The following GALNT13 variants were observed in gnomAD, a reference collection of about 807,000 sequenced individuals.
GALNT13 encodes UDP-GalNAc:polypeptide N-acetylgalactosaminyltransferase 13.
A neutral mutation model predicts 64.2 loss-of-function variants in GALNT13; 28 were observed. That is an observed-to-expected ratio of 0.44 (90% confidence interval 0.32 to 0.60). GALNT13 has a LOEUF of 0.60. Among genes scored for constraint, GALNT13 ranks in the 20% least tolerant of loss-of-function variants. GALNT13 has a pLI of 0.05. For synonymous variants in GALNT13, 214 were observed against 224.6 expected (o/e 0.95, Z 0.42); for missense variants, 577 against 669.8 (o/e 0.86, Z 1.53).
At chr2:154,070,103 G>A (rs1368882481) in intron 3 of GALNT13, among the ~76,000 whole-genome samples, 1 of 152,110 alleles carries the variant, frequency 6.6e-6, no homozygotes, top group African/African-American at 2.4e-5. Flanking sequence ...CCTACTGATG[G>A]TTGATATGTG....
At chr2:154,009,487 A>G (rs1408679818) in intron 3 of GALNT13, among the ~76,000 whole-genome samples, 3 of 142,182 alleles carry the variant, frequency 2.1e-5, no homozygotes. Flanking sequence ...ATAAATTGCT[A>G]TAAGGTGTTA....
At chr2:154,123,788 C>T (rs758701216) in intron 3 of GALNT13, among the ~76,000 whole-genome samples, 1 of 151,956 alleles carries the variant, frequency 6.6e-6, no homozygotes, top group Non-Finnish European at 1.5e-5. Context: ...CTGTATAATT[C>T]TATGTGTACA....
the GALNT13 span, among the ~76,000 whole-genome samples, chr2:153,359,852 G>T: frequency 9.9e-5 from 15 of 151,934 alleles, no homozygotes; most frequent in African/African-American, 3.1e-4. Flanking sequence ...TCAGCAAAAA[G>T]GTAGAAACTA....
the GALNT13 span, among the ~76,000 whole-genome samples, chr2:153,098,721 T>A: frequency 1.3e-5 from 2 of 152,232 alleles, no homozygotes; most frequent in Non-Finnish European, 2.9e-5. Context: ...TTATAAATTA[T>A]GCTATTTTAA....
chr2:153,253,427 GA>G, the GALNT13 span, among the ~76,000 whole-genome samples: 2 of 124,318 alleles, frequency 1.6e-5, no homozygotes, highest in Admixed American at 8.0e-5. Context: ...GGGACAATTT[GA>G]CTTCCTCTTT....
At chr2:153,510,658 CAG>C in the GALNT13 span, among the ~76,000 whole-genome samples, 4 of 152,034 alleles carry the variant, frequency 2.6e-5, no homozygotes, top group Admixed American at 1.3e-4. Context: ...TTTAATTAGT[CAG>C]AGATTCTGAT....
intron 3 of GALNT13, among the ~76,000 whole-genome samples, chr2:154,120,890 G>T (rs1000927297): frequency 2.6e-5 from 4 of 152,058 alleles, no homozygotes; most frequent in Non-Finnish European, 4.4e-5. Context: ...ACTATGACCT[G>T]CACTTCCTTC....
At chr2:154,353,179 C>T (rs1296562812) in intron 9 of GALNT13, among the ~76,000 whole-genome samples, 1 of 152,188 alleles carries the variant, frequency 6.6e-6, no homozygotes, top group East Asian at 1.9e-4. Context: ...AAAATATATA[C>T]ATCATTAGGC....
chr2:153,828,194 C>T, the GALNT13 span, among the ~76,000 whole-genome samples: 1 of 152,224 alleles, frequency 6.6e-6, no homozygotes. Context: ...TGGATCTACC[C>T]TTCTGGGGTC....
At chr2:153,622,746 A>G in the GALNT13 span, among the ~76,000 whole-genome samples, 2 of 152,208 alleles carry the variant, frequency 1.3e-5, no homozygotes, top group Middle Eastern at 6.3e-3. Context: ...TTTTAATAGG[A>G]AAGAAACATT....
the GALNT13 span, among the ~76,000 whole-genome samples, chr2:153,620,704 A>G: frequency 3.9e-5 from 6 of 151,904 alleles, no homozygotes; most frequent in Non-Finnish European, 4.4e-5. Flanking sequence ...CCTCAACACA[A>G]CTATTTTAAA....
chr2:153,070,105 A>T, the GALNT13 span, among the ~76,000 whole-genome samples: 1 of 152,166 alleles, frequency 6.6e-6, no homozygotes, highest in East Asian at 1.9e-4. Flanking sequence ...GAGTTTGGGG[A>T]GTTTTTCTGC....
intron 4 of GALNT13, among the ~76,000 whole-genome samples, chr2:154,153,431 A>G (rs189463397): frequency 6.8e-4 from 103 of 152,276 alleles, no homozygotes; most frequent in Non-Finnish European, 1.1e-3. Flanking sequence ...CTCTAGCTGC[A>G]TGCTGAGAGA....
At chr2:153,331,785 A>G in the GALNT13 span, among the ~76,000 whole-genome samples, 3 of 152,136 alleles carry the variant, frequency 2.0e-5, no homozygotes, top group African/African-American at 4.8e-5. Flanking sequence ...GTATGCTTCA[A>G]TCTAATCAAA....
At chr2:153,628,811 T>G in the GALNT13 span, among the ~76,000 whole-genome samples, 1 of 152,142 alleles carries the variant, frequency 6.6e-6, no homozygotes, top group Non-Finnish European at 1.5e-5. Flanking sequence ...AATTCTCTTT[T>G]TTTGTTGTGT....
At chr2:153,456,095 ATT>A in the GALNT13 span, among the ~76,000 whole-genome samples, 1 of 152,092 alleles carries the variant, frequency 6.6e-6, no homozygotes, top group African/African-American at 2.4e-5. Flanking sequence ...TGAGTCTGGA[ATT>A]TTTATAGACA....
chr2:154,421,888 T>C (rs76185508), intron 11 of GALNT13, among the ~76,000 whole-genome samples: 5,263 of 152,094 alleles, frequency 0.035, 123 homozygotes, highest in Non-Finnish European at 0.053. Flanking sequence ...CTCAATCTCA[T>C]AGGGAATACA....
At chr2:153,346,595 G>T in the GALNT13 span, among the ~76,000 whole-genome samples, 1 of 151,786 alleles carries the variant, frequency 6.6e-6, no homozygotes, top group South Asian at 2.1e-4. Context: ...TTTTAATTTG[G>T]TATGTTTAAC....
At chr2:153,190,101 C>T in the GALNT13 span, among the ~76,000 whole-genome samples, 70 of 152,046 alleles carry the variant, frequency 4.6e-4, no homozygotes, top group South Asian at 9.7e-3. Context: ...AGTTTAATAA[C>T]GTCCCATTCG....
Sources: gnomAD v4.1 joint callset for allele counts (sites outside exome capture counted in the v4.1 genomes callset) on GRCh38, gnomAD v4.1.1 for gene constraint, MANE v1.5 for transcripts, NCBI Gene and HGNC (gene_info 2026-07-23, HGNC 2026-07-21) for gene names.